Variants in RSPO2 observed in about 807,000 individuals in gnomAD.
RSPO2 encodes R-spondin-2.
A neutral mutation model predicts 30.9 loss-of-function variants in RSPO2; 14 were observed. That is an observed-to-expected ratio of 0.45 (90% CI 0.30 to 0.71). RSPO2 has a LOEUF of 0.71. RSPO2 is among the 30% of genes least tolerant of loss of function. RSPO2 has a pLI of 0.08. For synonymous variants in RSPO2, 107 were observed against 96.4 expected, an observed-to-expected ratio of 1.11 and a Z score of -0.64; for missense variants, 264 against 301.9, an observed-to-expected ratio of 0.87 and a Z score of 0.93.
rs138483330 is a variant in RSPO2 at position 108,070,994 on chromosome 8, A to G, written c.94+11551T>C. Among the ~76,000 whole-genome samples, 145 of 152,148 alleles carry G rather than the reference A, an allele frequency of 9.5e-4. 2 individuals carry two copies. In the East Asian group the frequency reaches 0.028, roughly 29 times the overall value. The stretch of plus-strand genomic sequence containing the variant: ...CTTGTTCCTGCTCTTTCCTTTCCCT[A>G]GGTCCAGCCTGTCACATTTCTTAAA... On this transcript the variant is annotated intron_variant, in intron 2 of 5. Transcript: ENST00000276659.
intron 3 of RSPO2, among the ~76,000 whole-genome samples, chr8:107,976,852 T>C (rs1322034574): frequency 1.3e-5 from 2 of 152,214 alleles, no homozygotes; most frequent in Non-Finnish European, 2.9e-5. Flanking sequence ...ATTCTATTCA[T>C]GTAGAAGCTA....
intron 2 of RSPO2, among the ~76,000 whole-genome samples, chr8:108,014,705 G>C (rs1007201142): frequency 2.0e-5 from 3 of 151,998 alleles, no homozygotes; most frequent in Admixed American, 2.0e-4. Flanking sequence ...GTGGTGGGGG[G>C]GCTAGGGGAG....
intron 2 of RSPO2, among the ~76,000 whole-genome samples, chr8:108,005,084 TC>T (rs1298494130): frequency 1.3e-5 from 2 of 152,140 alleles, no homozygotes; most frequent in Non-Finnish European, 2.9e-5. Context: ...AGAGAACAGG[TC>T]AGTGATTTAC....
intron 5 of RSPO2, among the ~76,000 whole-genome samples, chr8:107,930,190 A>G (rs190435180): frequency 1.4e-4 from 21 of 152,304 alleles, no homozygotes; most frequent in African/African-American, 5.1e-4. Context: ...TTTACAAATG[A>G]GGAAACTTTT....
intron 5 of RSPO2, among the ~76,000 whole-genome samples, chr8:107,918,942 T>C (rs1812066708): frequency 1.3e-5 from 2 of 152,146 alleles, no homozygotes; most frequent in Non-Finnish European, 2.9e-5. Context: ...CCTAAATTCT[T>C]TGTGGGCTAC....
Position 107,950,239 on chromosome 8 carries a change from GATAC to G in RSPO2, c.616+7837_616+7840del, listed in dbSNP as rs566288676. Among the ~76,000 whole-genome samples, 201 of 152,182 alleles carry G rather than the reference GATAC, an allele frequency of 1.3e-3. 1 individual carries two copies. The highest frequency in any genetic ancestry group is 4.5e-3 in the African/African-American group (185 of 41,556). On this transcript the variant is annotated intron_variant, in intron 5 of 5. Coordinates refer to ENST00000276659, the MANE Select transcript of RSPO2 (RefSeq NM_178565.5). Reference sequence around the variant, plus strand: ...CATGTGTGTTTATTGTGTATAAACAGATACATACATATGTGATTTTCCCCTCTAA... The same window carrying G: ...CATGTGTGTTTATTGTGTATAAACAGATACATATGTGATTTTCCCCTCTAA...
Position 108,054,532 on chromosome 8 carries a change from ACGAGG to A in RSPO2, c.94+28008_94+28012del, listed in dbSNP as rs553653606. Among the ~76,000 whole-genome samples, 5 of 152,302 alleles carry A rather than the reference ACGAGG, an allele frequency of 3.3e-5. No homozygotes were observed. The South Asian group carries it at 1.0e-3, about 32-fold the overall frequency. ...CAGGCCCACAGCCACCCCTAACTCC[ACGAGG>A]GGTTGGGAAACATAGTCTAGCGACA... On this transcript the variant is annotated intron_variant, in intron 2 of 5. Coordinates refer to ENST00000276659, the MANE Select transcript of RSPO2 (RefSeq NM_178565.5).
At chr8:108,063,747 C>G (rs1271058321) in intron 2 of RSPO2, among the ~76,000 whole-genome samples, 1 of 151,950 alleles carries the variant, frequency 6.6e-6, no homozygotes, top group Non-Finnish European at 1.5e-5. Flanking sequence ...AAGAACAAAG[C>G]TGGAGGCATC....
chr8:107,957,055 C>T (rs1428228733), intron 5 of RSPO2, among the ~76,000 whole-genome samples: 4 of 152,044 alleles, frequency 2.6e-5, no homozygotes, highest in East Asian at 1.9e-4. Context: ...TCTCAAAGGC[C>T]GACTGGAGTC....
intron 2 of RSPO2, among the ~76,000 whole-genome samples, chr8:108,028,535 G>A (rs1274900242): frequency 6.6e-6 from 1 of 152,160 alleles, no homozygotes; most frequent in African/African-American, 2.4e-5. Context: ...TTCCAAAGGA[G>A]AGGAGAGTTC....
chr8:107,922,710 C>A (rs143861489), intron 5 of RSPO2, among the ~76,000 whole-genome samples: 46 of 152,140 alleles, frequency 3.0e-4, no homozygotes, highest in Admixed American at 2.8e-3. Flanking sequence ...CTATATACTA[C>A]GGGGCTGCAA....
In RSPO2 at chr8:108,023,169, T is replaced by G. The variant is rs995200297; in HGVS notation, c.95-33925A>C. ...GTTTTCAAATTAAACTCCTTTAGCA[T>G]TCATACTGCTATTGGTTTACTCTTC... On this transcript the variant is annotated intron_variant, in intron 2 of 5. Coordinates refer to ENST00000276659, the MANE Select transcript of RSPO2 (RefSeq NM_178565.5). 3.3e-5 allele frequency among the ~76,000 whole-genome samples: 5 copies of G among 152,326 alleles called. No individual in the cohort carries two copies. The East Asian group carries it at 9.6e-4, about 29-fold the overall frequency.
chr8:108,075,331 A>C (rs1316515200), intron 2 of RSPO2, among the ~76,000 whole-genome samples: 1 of 152,154 alleles, frequency 6.6e-6, no homozygotes, highest in Non-Finnish European at 1.5e-5. Context: ...AAATACAAAA[A>C]TTAGCTGGGC....
At chr8:107,984,392 T>C (rs1045200939) in intron 3 of RSPO2, among the ~76,000 whole-genome samples, 45 of 152,354 alleles carry the variant, frequency 3.0e-4, no homozygotes, top group African/African-American at 1.1e-3. Flanking sequence ...TGAAACATGC[T>C]TTCTATCATG....
intron 3 of RSPO2, among the ~76,000 whole-genome samples, chr8:107,979,641 G>A (rs1457875609): frequency 1.3e-5 from 2 of 151,790 alleles, no homozygotes; most frequent in African/African-American, 2.4e-5. Context: ...AAACCTGCAC[G>A]TTGTGCACAT....
At chr8:107,957,969 T>G in intron 5 of RSPO2, 111 bp downstream of exon 5, 1 of 730,462 alleles carries the variant, frequency 1.4e-6, no homozygotes, top group Non-Finnish European at 2.3e-6. Flanking sequence ...CTCACCAATA[T>G]TATTGGGTTT....
At chr8:108,014,854 A>G (rs1019207541) in intron 2 of RSPO2, among the ~76,000 whole-genome samples, 2 of 151,882 alleles carry the variant, frequency 1.3e-5, no homozygotes, top group Non-Finnish European at 2.9e-5. Flanking sequence ...TAAAAAAAAA[A>G]AAAAGAAAAA....
chr8:108,080,350 TTGA>T (rs913240879), intron 2 of RSPO2, among the ~76,000 whole-genome samples: 6 of 151,958 alleles, frequency 3.9e-5, no homozygotes, highest in African/African-American at 1.5e-4. Flanking sequence ...GAAAAAAAGT[TTGA>T]TTTTTTTTTT....
chr8:107,998,952 C>T (rs1267854208), intron 2 of RSPO2, among the ~76,000 whole-genome samples: 1 of 152,130 alleles, frequency 6.6e-6, no homozygotes, highest in South Asian at 2.1e-4. Context: ...GAGGCTGAGA[C>T]AGAATTGCTT....
Sources: allele counts gnomAD v4.1 joint callset (sites outside exome capture counted in the v4.1 genomes callset), GRCh38; gene constraint gnomAD v4.1.1; transcripts MANE v1.5; gene names NCBI Gene and HGNC (gene_info 2026-07-23, HGNC 2026-07-21).